The following KCNMA1 variants were observed in gnomAD, a reference collection of about 807,000 sequenced individuals.
The protein encoded by KCNMA1 is Calcium-activated potassium channel subunit alpha-1.
KCNMA1 carries 29 observed loss-of-function variants against 140.0 expected under a neutral mutation model. That is an observed-to-expected ratio of 0.21 (90% CI 0.15 to 0.28). The LOEUF (loss-of-function observed/expected upper bound fraction) is 0.28, where lower values mean the gene tolerates loss of function less well. Ranked by LOEUF, KCNMA1 falls within the 10% of genes least tolerant of loss-of-function variation. The pLI, the probability that KCNMA1 is intolerant of heterozygous loss-of-function variation, is 1.00. For missense variants in KCNMA1, 880 were observed against 1,602.2 expected (o/e 0.55, Z 7.70); for synonymous variants, 612 against 611.9 (o/e 1.00, Z 0.00).
At position 77,108,525 on chromosome 10, in the gene KCNMA1, G is replaced by A. The variant is rs1263018909; in HGVS notation, c.1179C>T (p.Asn393=). 2 of 1,613,864 alleles carry A rather than the reference G, an allele frequency of 1.2e-6. No individual in the cohort carries two copies. Among genetic ancestry groups the A allele is most frequent in the South Asian group, 1.1e-5 (1 of 91,070 alleles). The part of the protein sequence containing the change: ...YVPEIIELIG[N]RKKYGGSYSA... ...TATAGGAGCCCCCGTATTTCTTGCGGTTTCCTATTAACTCTATGATTTCAG... is the reference window on the plus strand; with the variant it reads ...TATAGGAGCCCCCGTATTTCTTGCGATTTCCTATTAACTCTATGATTTCAG... The change falls in exon 9 of 28, where the codon AAC becomes AAT. Residue 393 remains asparagine, a synonymous_variant. Transcript: ENST00000286628. The surrounding 1 kb of genome is among the most constrained non-coding windows in gnomAD (Gnocchi z 4.6).
intron 17 of KCNMA1, among the ~76,000 whole-genome samples, chr10:77,016,530 A>G (rs1407591844): frequency 1.3e-5 from 2 of 152,094 alleles, no homozygotes; most frequent in Non-Finnish European, 2.9e-5. Flanking sequence ...TTTCAGGAGA[A>G]ATGAGTAATA....
At chr10:77,540,060 T>C (rs1261322947) in intron 1 of KCNMA1, among the ~76,000 whole-genome samples, 1 of 152,198 alleles carries the variant, frequency 6.6e-6, no homozygotes, top group East Asian at 1.9e-4. Context: ...GACCATCCCT[T>C]GGAGCATCCC....
intron 5 of KCNMA1, among the ~76,000 whole-genome samples, chr10:77,169,070 C>T (rs552047191): frequency 6.6e-6 from 1 of 152,282 alleles, no homozygotes; most frequent in Admixed American, 6.5e-5. Context: ...AACACAACCA[C>T]ATCAGAAGAT....
At chr10:77,042,438 A>C (rs2153592460) in intron 14 of KCNMA1, among the ~76,000 whole-genome samples, 1 of 152,350 alleles carries the variant, frequency 6.6e-6, no homozygotes, top group Non-Finnish European at 1.5e-5. Flanking sequence ...TGTTTTATTA[A>C]TGAATAGGAT....
intron 2 of KCNMA1, among the ~76,000 whole-genome samples, chr10:77,271,742 C>G (rs182721960): frequency 7.4e-4 from 112 of 152,294 alleles, no homozygotes; most frequent in Admixed American, 1.8e-3. Context: ...AAAAATCTCT[C>G]ATTGTGAACA....
intron 1 of KCNMA1, among the ~76,000 whole-genome samples, chr10:77,417,165 G>A (rs1211290825): frequency 6.6e-6 from 1 of 152,052 alleles, no homozygotes; most frequent in Non-Finnish European, 1.5e-5. Context: ...CTCCTTCCTG[G>A]CTAGATCTCC....
At chr10:77,581,208 T>A (rs975822154) in intron 1 of KCNMA1, among the ~76,000 whole-genome samples, 1 of 152,186 alleles carries the variant, frequency 6.6e-6, no homozygotes, top group African/African-American at 2.4e-5. Flanking sequence ...CTGCCTGCCA[T>A]CCATGACAGT....
chr10:77,101,268 G>C (rs955235609), intron 9 of KCNMA1, among the ~76,000 whole-genome samples: 1 of 152,050 alleles, frequency 6.6e-6, no homozygotes, highest in Non-Finnish European at 1.5e-5. Context: ...CTACCCCTCA[G>C]CACCACGTTT....
intron 25 of KCNMA1, among the ~76,000 whole-genome samples, chr10:76,898,966 T>C (rs1564784157): frequency 6.6e-6 from 1 of 151,982 alleles, no homozygotes; most frequent in Non-Finnish European, 1.5e-5. Context: ...TATGACAATA[T>C]AACTGAAAAA....
rs1301573839 is a variant in KCNMA1, at chr10:77,432,932, TG to T, written c.379-28910del. Among the ~76,000 whole-genome samples the T allele has an allele frequency of 2.6e-5, 4 of 152,002 alleles. No individual in the cohort carries two copies. The East Asian group carries it at 7.7e-4, about 29-fold the overall frequency. The stretch of plus-strand genomic sequence containing the variant: ...GACTGAGTGAGGGTGGAAGTGTTCA[TG>T]ATTGGGATGGAGTAGAGATTAGGGA... On this transcript the variant is annotated intron_variant, in intron 1 of 27. Transcript: ENST00000286628.
intron 25 of KCNMA1, chr10:76,902,590 C>T (rs567584978): frequency 1.3e-5 from 2 of 152,286 alleles, no homozygotes; most frequent in South Asian, 4.1e-4. Context: ...TACAGGAGTC[C>T]CTCTTCCCAC....
intron 20 of KCNMA1, among the ~76,000 whole-genome samples, chr10:76,959,872 A>G (rs544476566): frequency 6.6e-6 from 1 of 152,342 alleles, no homozygotes; most frequent in African/African-American, 2.4e-5. Context: ...ACCTGTAGGT[A>G]ATTTCTGTTA....
chr10:76,964,804 G>T (rs1256192164), intron 20 of KCNMA1, among the ~76,000 whole-genome samples: 1 of 152,188 alleles, frequency 6.6e-6, no homozygotes, highest in African/African-American at 2.4e-5. Context: ...TTCACTTAAT[G>T]ACCAGGAGAT....
At chr10:77,552,545 G>T (rs2063114906) in intron 1 of KCNMA1, among the ~76,000 whole-genome samples, 1 of 152,214 alleles carries the variant, frequency 6.6e-6, no homozygotes, top group Admixed American at 6.5e-5. Flanking sequence ...CTACCAGGTG[G>T]ACAAGCAACT....
chr10:76,988,196 G>T (rs989824309), intron 19 of KCNMA1, among the ~76,000 whole-genome samples: 1 of 152,140 alleles, frequency 6.6e-6, no homozygotes, highest in African/African-American at 2.4e-5. Flanking sequence ...CCACACATCA[G>T]GTCTGCTGAA....
chr10:77,089,163 A>C (rs1181819129), intron 10 of KCNMA1, among the ~76,000 whole-genome samples: 1 of 152,212 alleles, frequency 6.6e-6, no homozygotes, highest in Admixed American at 6.5e-5. Context: ...ATCAGTGCAG[A>C]AAAGAGAAAT....
intron 2 of KCNMA1, among the ~76,000 whole-genome samples, chr10:77,272,218 C>T (rs1307678718): frequency 6.6e-6 from 1 of 152,192 alleles, no homozygotes; most frequent in African/African-American, 2.4e-5. Flanking sequence ...CAGACCTGGT[C>T]TGTTCAGTCC....
At chr10:77,597,320 T>C (rs2081234010) in intron 1 of KCNMA1, among the ~76,000 whole-genome samples, 1 of 152,074 alleles carries the variant, frequency 6.6e-6, no homozygotes, top group Non-Finnish European at 1.5e-5. Flanking sequence ...CAACAATGTA[T>C]TGTATATTTC....
chr10:77,264,046 G>A (rs1046249590), intron 2 of KCNMA1, among the ~76,000 whole-genome samples: 1 of 152,112 alleles, frequency 6.6e-6, no homozygotes, highest in African/African-American at 2.4e-5. Context: ...AGTTTCACAA[G>A]ATAGCATCCC....
Sources: gnomAD v4.1 joint callset for allele counts (sites outside exome capture counted in the v4.1 genomes callset) on GRCh38, gnomAD v4.1.1 for gene constraint, Gnocchi (gnomAD v3.1) non-coding constraint, MANE v1.5 for transcripts, NCBI Gene and HGNC (gene_info 2026-07-23, HGNC 2026-07-21) for gene names.